The following GPR21 variants were observed in gnomAD, a reference collection of about 807,000 sequenced individuals.
GPR21 encodes G protein-coupled receptor 21, also known as probable G protein-coupled receptor 21.
In GPR21, 9 loss-of-function variants were observed where a neutral mutation model predicts 21.5. The observed-to-expected ratio is 0.42, with a 90% CI of 0.25 to 0.73. GPR21 has a LOEUF of 0.73. Ranked by LOEUF, GPR21 falls within the 30% of genes least tolerant of loss-of-function variation. The pLI, the probability that GPR21 is intolerant of heterozygous loss-of-function variation, is 0.27. For missense variants in GPR21, 416 were observed against 428.9 expected (o/e 0.97, Z 0.27); for synonymous variants, 169 against 159.3 (o/e 1.06, Z -0.46).
At position 123,035,576 on chromosome 9, in the gene GPR21, C is replaced by T. The variant is rs1410319605; in HGVS notation, c.1010C>T (p.Thr337Ile). The change falls in exon 2 of 2, where the codon ACA becomes ATA. Residue 337 changes from threonine to isoleucine, a missense_variant. By Grantham distance (89) the Thr-to-Ile change is moderately conservative. Transcript: ENST00000616002. ...CAGACTACAGCCAACGACCCTTACA[C>T]AGTTAGAAGCAAAGGCCCTCTTAAT... is the stretch of plus-strand genomic sequence containing the variant. The part of the protein sequence containing the change: ...ASQTTANDPY[T>I]VRSKGPLNGC... The T allele has an allele frequency of 6.2e-7, 1 of 1,603,880 alleles. No homozygotes were observed.
downstream of GPR21, among the ~76,000 whole-genome samples, chr9:123,037,132 T>C (rs1410999559): frequency 1.1e-4 from 16 of 152,082 alleles, no homozygotes; most frequent in Admixed American, 1.0e-3. Flanking sequence ...AGATGGAAGA[T>C]GGAAGAAACC....
chr9:123,044,616 AAC>A, the GPR21 span, among the ~76,000 whole-genome samples: 117 of 136,848 alleles, frequency 8.5e-4, no homozygotes, highest in Non-Finnish European at 1.3e-3. Flanking sequence ...AATATAGGAA[AAC>A]ACACGTACGT....
Position 123,035,529 on chromosome 9 carries a change from T to C in GPR21, c.963T>C (p.Ala321=). The change falls in exon 2 of 2, where the codon GCT becomes GCC. Residue 321 remains alanine (A), a synonymous_variant. Coordinates refer to ENST00000616002, the MANE Select transcript of GPR21 (RefSeq NM_005294.3). ...GAGGACTAAAGCGCCTCTCAGGGGC[T>C]ATGTGTACTTCTTGTGCAAGTCAGA... ...FQRGLKRLSG[A]MCTSCASQTT... The C allele has an allele frequency of 6.2e-7, 1 of 1,614,042 alleles. No homozygotes were observed. Among genetic ancestry groups the C allele is most frequent in the East Asian group, 2.2e-5 (1 of 44,882 alleles).
Position 123,035,635 on chromosome 9 carries a change from T to G in GPR21, c.*19T>G. ...TATCTGAAGTGGCTCAGTTACGGGG[T>G]TCCCGTGTGTGTGTGTGTGTGTGTG... On this transcript the variant is annotated 3_prime_UTR_variant, in exon 2 of 2. Coordinates refer to ENST00000616002, the MANE Select transcript of GPR21 (RefSeq NM_005294.3). The G allele has an allele frequency of 2.3e-6, 3 of 1,327,376 alleles. No homozygotes were observed. The highest frequency in any genetic ancestry group is 3.1e-6 in the Non-Finnish European group (3 of 960,954). The allele number at this position is 1,327,376 out of a possible 1,614,324, so 82.2% of individuals were successfully genotyped here.
At chr9:123,048,097 G>A in the GPR21 span, among the ~76,000 whole-genome samples, 1 of 151,670 alleles carries the variant, frequency 6.6e-6, no homozygotes, top group East Asian at 1.9e-4. Flanking sequence ...GCATCACCAC[G>A]CCCAGCTAAT....
the GPR21 span, among the ~76,000 whole-genome samples, chr9:123,046,476 A>G: frequency 1.3e-5 from 2 of 152,238 alleles, no homozygotes; most frequent in Non-Finnish European, 2.9e-5. Context: ...TGAGAGGCAG[A>G]CAGACCTGGG....
downstream of GPR21, among the ~76,000 whole-genome samples, chr9:123,037,947 A>G (rs920673938): frequency 6.6e-6 from 1 of 152,186 alleles, no homozygotes; most frequent in African/African-American, 2.4e-5. Flanking sequence ...CGTTGGCGGG[A>G]TAGCTCATTT....
chr9:123,044,506 T>C, the GPR21 span, among the ~76,000 whole-genome samples: 20 of 152,138 alleles, frequency 1.3e-4, no homozygotes, highest in Admixed American at 2.6e-4. Flanking sequence ...TACGCCTCCA[T>C]AGGTGTCTGT....
downstream of GPR21, among the ~76,000 whole-genome samples, chr9:123,037,915 T>G (rs2032749751): frequency 6.6e-6 from 1 of 152,148 alleles, no homozygotes; most frequent in South Asian, 2.1e-4. Flanking sequence ...AAAAAATGTA[T>G]TTTTAGATTC....
the GPR21 span, among the ~76,000 whole-genome samples, chr9:123,044,627 G>A: frequency 9.4e-4 from 9 of 9,554 alleles, no homozygotes; most frequent in East Asian, 5.3e-3. Flanking sequence ...ACACACGTAC[G>A]TGTGTGTGTG....
At chr9:123,043,992 C>G in the GPR21 span, among the ~76,000 whole-genome samples, 2 of 151,508 alleles carry the variant, frequency 1.3e-5, no homozygotes, top group African/African-American at 4.9e-5. Context: ...GCTCCGCCTC[C>G]CGGGTTCAGG....
In GPR21 at chr9:123,034,207, C is replaced by T. The variant is rs2032475802; in HGVS notation, c.-360C>T. 2 of 268,646 alleles carry T rather than the reference C, an allele frequency of 7.4e-6. No individual in the cohort carries two copies. The highest frequency in any genetic ancestry group is 1.5e-4 in the East Asian group (2 of 13,548). 16.6% of individuals were successfully genotyped at this position (268,646 alleles called of 1,614,324 possible). A position where few individuals can be genotyped will look rare whatever the true frequency, so the allele number is the denominator to read the frequency against. ...AGACTCATTACAACTCCTGCTGAAG[C>T]TCCTAATCTTCTTCCCTTCTCTTCT... On this transcript the variant is annotated 5_prime_UTR_variant, in exon 2 of 2. Coordinates refer to ENST00000616002, the MANE Select transcript of GPR21 (RefSeq NM_005294.3).
downstream of GPR21, chr9:123,035,846 T>C (rs564754991): frequency 1.4e-4 from 64 of 471,104 alleles, no homozygotes; most frequent in African/African-American, 1.2e-3. Context: ...GAAGACAAAT[T>C]GCTCTTGCTC....
chr9:123,039,371 C>T (rs981070238), downstream of GPR21, among the ~76,000 whole-genome samples: 1 of 152,138 alleles, frequency 6.6e-6, no homozygotes, highest in African/African-American at 2.4e-5. Context: ...TCTTTATCCC[C>T]ACAATCTGAC....
chr9:123,048,575 T>C, the GPR21 span, among the ~76,000 whole-genome samples: 1 of 152,204 alleles, frequency 6.6e-6, no homozygotes, highest in African/African-American at 2.4e-5. Flanking sequence ...TAAGAGAGCA[T>C]TTGATATGCA....
chr9:123,045,821 G>A, the GPR21 span, among the ~76,000 whole-genome samples: 3 of 152,102 alleles, frequency 2.0e-5, no homozygotes, highest in Admixed American at 2.0e-4. Flanking sequence ...TGCAAAATGG[G>A]ATAATACTAC....
chr9:123,042,338 G>A, the GPR21 span, among the ~76,000 whole-genome samples: 1 of 152,124 alleles, frequency 6.6e-6, no homozygotes, highest in Non-Finnish European at 1.5e-5. Flanking sequence ...TTAACAGACA[G>A]CCAGAGATAA....
At position 123,035,311 on chromosome 9, in the gene GPR21, C is replaced by T. The variant is rs1018027860; in HGVS notation, c.745C>T (p.Arg249Cys). Reference protein sequence around the residue: ...TGEVQACPDKRYAMVLFRITS... With the variant: ...TGEVQACPDKCYAMVLFRITS... ...GGAAGTGCAGGCCTGTCCTGATAAG[C>T]GCTATGCCATGGTCCTGTTTCGAAT... The change falls in exon 2 of 2, where the codon CGC (arginine) becomes TGC (cysteine). Residue 249 changes from arginine (R) to cysteine (C), a missense_variant. By Grantham distance (180) the Arg-to-Cys change is radical. Coordinates refer to ENST00000616002, the MANE Select transcript of GPR21 (RefSeq NM_005294.3). The T allele has an allele frequency of 1.9e-6, 3 of 1,614,132 alleles. No homozygotes were observed. Among genetic ancestry groups the T allele is most frequent in the Non-Finnish European group, 2.5e-6 (3 of 1,179,994 alleles).
the GPR21 span, among the ~76,000 whole-genome samples, chr9:123,048,487 A>G: frequency 6.6e-6 from 1 of 152,216 alleles, no homozygotes; most frequent in East Asian, 1.9e-4. Flanking sequence ...AGAAGATTTT[A>G]TCCATAGCAT....
Sources: gnomAD v4.1 joint callset for allele counts (sites outside exome capture counted in the v4.1 genomes callset) on GRCh38, gnomAD v4.1.1 for gene constraint, MANE v1.5 for transcripts, NCBI Gene and HGNC (gene_info 2026-07-23, HGNC 2026-07-21) for gene names.